The following RBFOX1 variants were observed in gnomAD, a reference collection of about 807,000 sequenced individuals.
RBFOX1 encodes the protein RNA binding protein fox-1 homolog 1.
Under a neutral mutation model 57.7 loss-of-function variants are expected in RBFOX1, and 8 were observed. The ratio of observed to expected loss-of-function variants is 0.14; its 90% CI spans 0.08 to 0.25. The LOEUF is 0.25. Ranked by LOEUF, RBFOX1 falls within the 10% of genes least tolerant of loss-of-function variation. The probability of loss-of-function intolerance (pLI) is 1.00; values close to 1 mark genes in which losing one functional copy is unlikely to be tolerated. For synonymous variants in RBFOX1, 326 were observed against 222.4 expected (o/e 1.47, Z -4.15); for missense variants, 611 against 548.5 (o/e 1.11, Z -1.14).
chr16:6,071,709 T>G (rs1441645310), intron 1 of RBFOX1, among the ~76,000 whole-genome samples: 1 of 152,160 alleles, frequency 6.6e-6, no homozygotes, highest in Non-Finnish European at 1.5e-5. Context: ...TTTCACACAG[T>G]GTAACTTCAA....
At chr16:7,207,268 G>A (rs2178719) in intron 4 of RBFOX1, among the ~76,000 whole-genome samples, 29,314 of 152,098 alleles carry the variant, frequency 0.19, 3,583 homozygotes, top group Non-Finnish European at 0.28. Flanking sequence ...CTCTGGTCAC[G>A]TTCCGGCCCT....
intron 3 of RBFOX1, among the ~76,000 whole-genome samples, chr16:6,740,954 C>T (rs772840490): frequency 1.3e-5 from 2 of 152,178 alleles, no homozygotes; most frequent in Non-Finnish European, 2.9e-5. Flanking sequence ...ACAAACCAGT[C>T]TACCTAGTTT....
intron 4 of RBFOX1, among the ~76,000 whole-genome samples, chr16:7,163,541 C>T (rs1262159059): frequency 6.6e-6 from 1 of 152,162 alleles, no homozygotes; most frequent in African/African-American, 2.4e-5. Context: ...CAGTCTCTCT[C>T]CCTCTTCTTC....
chr16:7,629,403 G>C (rs2060579952), intron 10 of RBFOX1, among the ~76,000 whole-genome samples: 1 of 152,170 alleles, frequency 6.6e-6, no homozygotes, highest in Non-Finnish European at 1.5e-5. Context: ...AAAGTTCCCT[G>C]TTCTGCGGGT....
chr16:5,803,774 A>AT (rs2055138153), intron 3 of RBFOX1, among the ~76,000 whole-genome samples: 1 of 152,100 alleles, frequency 6.6e-6, no homozygotes, highest in African/African-American at 2.4e-5. Context: ...CTATTATCTC[A>AT]TGCTCTACTA....
intron 5 of RBFOX1, among the ~76,000 whole-genome samples, chr16:7,555,879 C>G (rs907233193): frequency 1.3e-5 from 2 of 152,144 alleles, no homozygotes; most frequent in African/African-American, 2.4e-5. Flanking sequence ...TTCCAACATG[C>G]TCTGCAATGC....
At chr16:6,090,373 C>T (rs1443141260) in intron 1 of RBFOX1, among the ~76,000 whole-genome samples, 1 of 152,134 alleles carries the variant, frequency 6.6e-6, no homozygotes, top group Non-Finnish European at 1.5e-5. Context: ...CTTTAAGAGG[C>T]TGCTATTCTG....
chr16:6,454,860 GTTTTTTTTTTTTTTTTTTTTT>G (rs869038635), intron 2 of RBFOX1, among the ~76,000 whole-genome samples: 1 of 15,486 alleles, frequency 6.5e-5, no homozygotes, highest in East Asian at 2.3e-3. Context: ...TCATATACAG[GTTTTTTTTTTTTTTTTTTTTT>G]TTTTTTTTTT....
At chr16:7,530,220 G>C (rs1223145572) in intron 5 of RBFOX1, among the ~76,000 whole-genome samples, 1 of 152,104 alleles carries the variant, frequency 6.6e-6, no homozygotes, top group Non-Finnish European at 1.5e-5. Context: ...GTCACACAGT[G>C]AGTATCACAG....
chr16:5,312,835 A>G (rs1428623300), intron 1 of RBFOX1, among the ~76,000 whole-genome samples: 1 of 152,234 alleles, frequency 6.6e-6, no homozygotes, highest in Non-Finnish European at 1.5e-5. Flanking sequence ...CAACCAAAGA[A>G]TGTCTTCAGA....
intron 4 of RBFOX1, among the ~76,000 whole-genome samples, chr16:7,113,841 A>G (rs1599862667): frequency 6.6e-6 from 1 of 152,166 alleles, no homozygotes; most frequent in Non-Finnish European, 1.5e-5. Flanking sequence ...GCCTCCCACT[A>G]CCAAGTTTTC....
chr16:7,637,787 C>T (rs2062017716), intron 11 of RBFOX1, among the ~76,000 whole-genome samples: 1 of 152,150 alleles, frequency 6.6e-6, no homozygotes, highest in African/African-American at 2.4e-5. Flanking sequence ...CAATAACTAG[C>T]TCCGGGACTA....
At chr16:6,955,262 A>G (rs1304468149) in intron 3 of RBFOX1, among the ~76,000 whole-genome samples, 1 of 149,918 alleles carries the variant, frequency 6.7e-6, no homozygotes, top group Non-Finnish European at 1.5e-5. Flanking sequence ...AGAAAAAAAG[A>G]AATTTAATCT....
intron 1 of RBFOX1, among the ~76,000 whole-genome samples, chr16:5,387,612 C>A (rs1464316386): frequency 3.9e-5 from 6 of 152,160 alleles, no homozygotes; most frequent in Admixed American, 6.5e-5. Context: ...AATCTCACGG[C>A]CACACCTATT....
intron 2 of RBFOX1, among the ~76,000 whole-genome samples, chr16:5,577,192 TCTC>T (rs745743118): frequency 1.4e-4 from 22 of 152,258 alleles, no homozygotes; most frequent in Non-Finnish European, 2.2e-4. Context: ...TACAAACTGT[TCTC>T]CTACAGAAGA....
chr16:6,633,643 A>T (rs1021122881), intron 2 of RBFOX1, among the ~76,000 whole-genome samples: 2 of 152,054 alleles, frequency 1.3e-5, no homozygotes, highest in Non-Finnish European at 2.9e-5. Flanking sequence ...TGGCTAAAGG[A>T]AGTCAAGTAG....
At chr16:5,563,834 C>A (rs1249375550) in intron 2 of RBFOX1, among the ~76,000 whole-genome samples, 1 of 152,058 alleles carries the variant, frequency 6.6e-6, no homozygotes, top group Non-Finnish European at 1.5e-5. Context: ...GCAGCCACAT[C>A]CCATTTCTTC....
chr16:6,761,904 A>T (rs970634142), intron 3 of RBFOX1, among the ~76,000 whole-genome samples: 20 of 151,966 alleles, frequency 1.3e-4, no homozygotes, highest in African/African-American at 4.8e-4. Flanking sequence ...CTCTAATCCC[A>T]CATTGTCTTC....
At chr16:5,939,115 A>T (rs993029958) in intron 4 of RBFOX1, among the ~76,000 whole-genome samples, 1 of 152,110 alleles carries the variant, frequency 6.6e-6, no homozygotes, top group Non-Finnish European at 1.5e-5. Flanking sequence ...GGCGGGAGGG[A>T]TAGCATTAGG....
Sources: allele counts gnomAD v4.1 joint callset (sites outside exome capture counted in the v4.1 genomes callset), GRCh38; gene constraint gnomAD v4.1.1; transcripts MANE v1.5; gene names NCBI Gene and HGNC (gene_info 2026-07-23, HGNC 2026-07-21).